Variants in TANC2 observed in about 807,000 individuals in gnomAD.
The protein encoded by TANC2 is protein TANC2.
Under a neutral mutation model 210.5 loss-of-function variants are expected in TANC2, and 26 were observed. That is an observed-to-expected ratio of 0.12 (90% CI 0.09 to 0.17). TANC2 has a LOEUF of 0.17. TANC2 is among the 10% of genes least tolerant of loss of function. TANC2 has a pLI of 1.00. For synonymous variants in TANC2, 931 were observed against 967.1 expected, an observed-to-expected ratio of 0.96 and a Z score of 0.69; for missense variants, 2,129 against 2,608.9, an observed-to-expected ratio of 0.82 and a Z score of 4.01.
At chr17:63,208,556 C>G (rs2041792272) in intron 7 of TANC2, among the ~76,000 whole-genome samples, 1 of 152,144 alleles carries the variant, frequency 6.6e-6, no homozygotes. Flanking sequence ...TGAAGAACCC[C>G]TTTTGAGATT....
At chr17:63,406,830 G>A (rs1448753237) in intron 21 of TANC2, among the ~76,000 whole-genome samples, 1 of 152,168 alleles carries the variant, frequency 6.6e-6, no homozygotes, top group African/African-American at 2.4e-5. Context: ...GGCTCCTGTT[G>A]GTTGCTGTGA....
intron 4 of TANC2, among the ~76,000 whole-genome samples, chr17:63,109,025 A>T (rs2037932480): frequency 1.3e-5 from 2 of 151,528 alleles, no homozygotes; most frequent in South Asian, 4.1e-4. Context: ...AACAGAAACC[A>T]AAATTGAAAA....
At chr17:63,071,704 A>G (rs973622456) in intron 2 of TANC2, among the ~76,000 whole-genome samples, 11 of 152,290 alleles carry the variant, frequency 7.2e-5, no homozygotes, top group East Asian at 1.9e-4. Context: ...TTGGAAGCAC[A>G]TAGGAAGGTT....
chr17:63,057,227 T>G (rs1416520240), intron 2 of TANC2, among the ~76,000 whole-genome samples: 1 of 152,192 alleles, frequency 6.6e-6, no homozygotes, highest in Non-Finnish European at 1.5e-5. Flanking sequence ...CATACCTGCA[T>G]AGGAGTGTTG....
At position 63,195,684 on chromosome 17, in the gene TANC2, C is replaced by G. The variant is rs187002109; in HGVS notation, c.582+1545C>G. Reference sequence around the variant, plus strand: ...ATGAATAAATGGTCTCCTAATAGGTCTCTGTGTCCACTCTTGCCCCCCTGT... The same window carrying G: ...ATGAATAAATGGTCTCCTAATAGGTGTCTGTGTCCACTCTTGCCCCCCTGT... On this transcript the variant is annotated intron_variant, in intron 6 of 27. Coordinates refer to ENST00000689528, the Ensembl canonical transcript of TANC2. Among the ~76,000 whole-genome samples the G allele has an allele frequency of 5.9e-5, 9 of 152,292 alleles. No individual in the cohort carries two copies. The East Asian group carries it at 1.7e-3, about 29-fold the overall frequency.
chr17:63,391,831 A>G (rs2047986610), intron 17 of TANC2: 1 of 151,428 alleles, frequency 6.6e-6, no homozygotes. Context: ...GGTTCAAGCA[A>G]TTCCCCTGCC....
intron 9 of TANC2, among the ~76,000 whole-genome samples, chr17:63,308,256 A>G (rs2044993296): frequency 2.0e-5 from 3 of 152,116 alleles, no homozygotes; most frequent in African/African-American, 7.2e-5. Context: ...GAAACTGGAA[A>G]AATCTTTGGC....
At chr17:63,206,151 A>G (rs555257236) in intron 7 of TANC2, among the ~76,000 whole-genome samples, 1 of 152,286 alleles carries the variant, frequency 6.6e-6, no homozygotes, top group South Asian at 2.1e-4. Flanking sequence ...ACAATAAAAC[A>G]CTACTTTATA....
exon 14 of TANC2, chr17:63,355,076 G>A (rs761992198): frequency 8.1e-6 from 13 of 1,613,644 alleles, no homozygotes; most frequent in South Asian, 1.1e-5. Flanking sequence ...TTCCTGTTTC[G>A]CTCTCAGAGG....
chr17:63,263,942 C>CA (rs1290649633), intron 8 of TANC2, among the ~76,000 whole-genome samples: 6 of 152,184 alleles, frequency 3.9e-5, no homozygotes, highest in Non-Finnish European at 7.3e-5. Flanking sequence ...TGCTGTGTAA[C>CA]AAACTATACG....
chr17:63,032,270 T>G (rs1037758296), intron 2 of TANC2, among the ~76,000 whole-genome samples: 1 of 152,108 alleles, frequency 6.6e-6, no homozygotes, highest in Non-Finnish European at 1.5e-5. Context: ...TCCGGTCTTA[T>G]TTAGGTCTGG....
At chr17:63,026,090 A>G (rs2034543435) in intron 2 of TANC2, among the ~76,000 whole-genome samples, 2 of 148,560 alleles carry the variant, frequency 1.3e-5, no homozygotes, top group South Asian at 2.2e-4. Context: ...ATCAGAAATC[A>G]CCTTCTCGGT....
chr17:63,382,561 T>C (rs1423509292), intron 15 of TANC2, among the ~76,000 whole-genome samples: 3 of 152,256 alleles, frequency 2.0e-5, no homozygotes, highest in South Asian at 2.1e-4. Flanking sequence ...TAATCAAATA[T>C]TATCTACCAG....
At chr17:63,226,753 CCCCTCACCTT>C (rs1348561313) in intron 7 of TANC2, among the ~76,000 whole-genome samples, 1 of 152,170 alleles carries the variant, frequency 6.6e-6, no homozygotes. Flanking sequence ...TTCTCTTCCT[CCCCTCACCTT>C]CCCTGACAGG....
chr17:62,990,983 G>A (rs569332123), intron 1 of TANC2, among the ~76,000 whole-genome samples: 52 of 152,290 alleles, frequency 3.4e-4, no homozygotes, highest in Non-Finnish European at 5.7e-4. Flanking sequence ...AAAAGGGTCA[G>A]TTGAGATTTG....
intron 9 of TANC2, among the ~76,000 whole-genome samples, chr17:63,290,666 A>G (rs1033843146): frequency 2.0e-5 from 3 of 151,724 alleles, no homozygotes; most frequent in Non-Finnish European, 4.4e-5. Flanking sequence ...TGTTTCATAT[A>G]TTTTGTGTAA....
chr17:63,094,104 A>G (rs1002440978), intron 3 of TANC2, among the ~76,000 whole-genome samples: 2 of 152,290 alleles, frequency 1.3e-5, no homozygotes, highest in South Asian at 4.1e-4. Context: ...TGATTCTTGT[A>G]CATTAACTTT....
At chr17:63,345,473 G>A (rs1480669558) in intron 12 of TANC2, among the ~76,000 whole-genome samples, 2 of 152,044 alleles carry the variant, frequency 1.3e-5, no homozygotes, top group African/African-American at 4.8e-5. Flanking sequence ...TACAAAGTTA[G>A]CCGGGCGTGG....
At chr17:63,231,063 G>A (rs893780093) in intron 7 of TANC2, among the ~76,000 whole-genome samples, 4 of 152,066 alleles carry the variant, frequency 2.6e-5, no homozygotes, top group African/African-American at 9.7e-5. Context: ...TTTAAAGTCT[G>A]TTTTGTCAGA....
Sources: allele counts gnomAD v4.1 joint callset (sites outside exome capture counted in the v4.1 genomes callset), GRCh38; gene constraint gnomAD v4.1.1; transcripts MANE v1.5; gene names NCBI Gene and HGNC (gene_info 2026-07-23, HGNC 2026-07-21).